The following CX3CR1 variants were observed in gnomAD, a reference collection of about 807,000 sequenced individuals.
CX3CR1 encodes CX3C chemokine receptor 1.
For missense variants in CX3CR1, 363 were observed against 432.4 expected (o/e 0.84, Z 1.42); for synonymous variants, 168 against 178.5 (o/e 0.94, Z 0.47).
intron 1 of CX3CR1, 57 bp from the exon 2 acceptor site, chr3:39,266,575 A>G (rs2040704009): frequency 6.4e-7 from 1 of 1,559,692 alleles, no homozygotes; most frequent in South Asian, 1.1e-5. Context: ...CAAAGTTGGA[A>G]TTCTGTGTGG....
At chr3:39,271,736 G>C (rs1296130321) in intron 1 of CX3CR1, among the ~76,000 whole-genome samples, 3 of 152,210 alleles carry the variant, frequency 2.0e-5, no homozygotes, top group Non-Finnish European at 2.9e-5. Flanking sequence ...AGCATGTGAA[G>C]GCACCATTTA....
upstream of CX3CR1, among the ~76,000 whole-genome samples, chr3:39,284,531 G>A (rs1314894249): frequency 6.6e-6 from 1 of 152,198 alleles, no homozygotes; most frequent in Non-Finnish European, 1.5e-5. Flanking sequence ...GGGGATTAGA[G>A]GGTGACATGA....
the CX3CR1 span, among the ~76,000 whole-genome samples, chr3:39,289,792 A>C: frequency 2.0e-5 from 3 of 152,158 alleles, no homozygotes; most frequent in African/African-American, 7.2e-5. Flanking sequence ...TGGTGTCCTT[A>C]TCAGAAGAGA....
At chr3:39,282,305 T>G, upstream of CX3CR1, among the ~76,000 whole-genome samples, 1 of 152,146 alleles carries the variant, frequency 6.6e-6, no homozygotes, top group East Asian at 1.9e-4. Flanking sequence ...CCTGAACTCT[T>G]GTTCAACCCC....
chr3:39,292,259 T>A, the CX3CR1 span, among the ~76,000 whole-genome samples: 8 of 151,898 alleles, frequency 5.3e-5, no homozygotes, highest in African/African-American at 1.5e-4. Context: ...GAAGGCAGAG[T>A]TTACCCATGA....
intron 1 of CX3CR1, among the ~76,000 whole-genome samples, chr3:39,276,712 TCTC>T (rs2040845188): frequency 6.6e-6 from 1 of 152,216 alleles, no homozygotes; most frequent in South Asian, 2.1e-4. Flanking sequence ...TGCATGTACA[TCTC>T]CTACAACGTG....
In CX3CR1 at chr3:39,265,462, C is replaced by T. The variant is rs755184130; in HGVS notation, c.1048G>A (p.Asp350Asn). The T allele has an allele frequency of 6.2e-7, 1 of 1,610,956 alleles. No homozygotes were observed. Among genetic ancestry groups the T allele is most frequent in the South Asian group, 1.1e-5 (1 of 90,868 alleles). ...TCCCTTCAGAGAAGGAGCAATGCAT[C>T]TCCATCACTCGTGTGGTAAGTAAAA... ...SNFTYHTSDG[D>N]ALLLL The change falls in exon 2 of 2, where the codon GAT becomes AAT. Residue 350 changes from aspartate (D) to asparagine (N), a missense_variant. Coordinates refer to ENST00000399220, the MANE Select transcript of CX3CR1 (RefSeq NM_001337.4).
chr3:39,279,885 A>G (rs2040876831), intron 1 of CX3CR1, 69 bp downstream of exon 1: 1 of 681,752 alleles, frequency 1.5e-6, no homozygotes. Context: ...GCAAACAGGC[A>G]TTATTAACCT....
chr3:39,287,495 G>A, the CX3CR1 span: 1 of 152,126 alleles, frequency 6.6e-6, no homozygotes, highest in Non-Finnish European at 1.5e-5. Context: ...TTTAGAAAGA[G>A]CCAAATGGAG....
At chr3:39,281,531 T>C, upstream of CX3CR1, 1 of 1,266,584 alleles carries the variant, frequency 7.9e-7, no homozygotes, top group Non-Finnish European at 1.1e-6. Flanking sequence ...CACACATCTC[T>C]ACCTCCATCC....
At chr3:39,283,574 G>T (rs1343680658), upstream of CX3CR1, among the ~76,000 whole-genome samples, 2 of 151,490 alleles carry the variant, frequency 1.3e-5, no homozygotes, top group African/African-American at 2.4e-5. Context: ...GAGATCAGGG[G>T]TTCAAGACCA....
At chr3:39,281,432 C>A (rs2040898011), upstream of CX3CR1, among the ~76,000 whole-genome samples, 1 of 151,816 alleles carries the variant, frequency 6.6e-6, no homozygotes, top group Non-Finnish European at 1.5e-5. Flanking sequence ...TTTCTTGGAT[C>A]TGGCCAAGAC....
At chr3:39,283,795 T>TATA (rs1491542391), upstream of CX3CR1, among the ~76,000 whole-genome samples, 245 of 65,280 alleles carry the variant, frequency 3.8e-3, 3 homozygotes, top group East Asian at 0.014. Context: ...AAAAAAAAAA[T>TATA]TATATATATA....
At chr3:39,269,829 A>T (rs1042258179) in intron 1 of CX3CR1, among the ~76,000 whole-genome samples, 5 of 152,250 alleles carry the variant, frequency 3.3e-5, no homozygotes, top group Admixed American at 3.3e-4. Context: ...GTGCTCACCC[A>T]GCATATCATG....
At chr3:39,281,259 C>T (rs2125557664), upstream of CX3CR1, 1 of 1,073,696 alleles carries the variant, frequency 9.3e-7, no homozygotes, top group Non-Finnish European at 1.1e-6. Flanking sequence ...GGCCAGAAGG[C>T]CACAGGACAA....
rs994762364 is a variant in CX3CR1 at position 39,264,534 on chromosome 3, C to G, written c.*908G>C. 8.5e-5 allele frequency: 13 copies of G among 152,182 alleles called. No homozygotes were observed. Among genetic ancestry groups the G allele is most frequent in the African/African-American group, 2.9e-4 (12 of 41,380 alleles). The allele number at this position is 152,182 out of a possible 1,614,324, so 9.4% of individuals were successfully genotyped here. A position where few individuals can be genotyped will look rare whatever the true frequency, so the allele number is the denominator to read the frequency against. ...CATGAGGTCATATGGAAGAGACAGG[C>G]TGATAGGATGGGTGGAGTCCTTTGG... On this transcript the variant is annotated 3_prime_UTR_variant, in exon 2 of 2. Coordinates refer to ENST00000399220, the MANE Select transcript of CX3CR1 (RefSeq NM_001337.4).
Position 39,265,849 on chromosome 3 carries a change from A to G in CX3CR1, c.661T>C (p.Cys221Arg). ...GCTTTGGCTTTCTTGTGGTTCTTGCAGGAAAACAGCGTCTGGATGATTCTG... is the reference window on the plus strand; with the variant it reads ...GCTTTGGCTTTCTTGTGGTTCTTGCGGGAAAACAGCGTCTGGATGATTCTG... ...YFRIIQTLFSCKNHKKAKAIK... is the reference protein window; with the variant it reads ...YFRIIQTLFSRKNHKKAKAIK... The change falls in exon 2 of 2, where the codon TGC (cysteine) becomes CGC (arginine). Residue 221 changes from cysteine (C) to arginine (R), a missense_variant. Transcript: ENST00000399220. 6.2e-7 allele frequency: 1 copy of G among 1,614,224 alleles called. No individual in the cohort carries two copies. Among genetic ancestry groups the G allele is most frequent in the Non-Finnish European group, 8.5e-7 (1 of 1,180,030 alleles).
At chr3:39,288,587 C>T in the CX3CR1 span, among the ~76,000 whole-genome samples, 14 of 152,352 alleles carry the variant, frequency 9.2e-5, no homozygotes, top group Admixed American at 1.3e-4. Flanking sequence ...AGAGATGGCC[C>T]CACCTGGTGG....
At chr3:39,277,378 C>T (rs536932960) in intron 1 of CX3CR1, among the ~76,000 whole-genome samples, 4 of 152,318 alleles carry the variant, frequency 2.6e-5, no homozygotes, top group African/African-American at 7.2e-5. Flanking sequence ...CCCAACTTCT[C>T]GGAATGCCTG....
Sources: allele counts gnomAD v4.1 joint callset (sites outside exome capture counted in the v4.1 genomes callset), GRCh38; gene constraint gnomAD v4.1.1; transcripts MANE v1.5; gene names NCBI Gene and HGNC (gene_info 2026-07-23, HGNC 2026-07-21).